The following HSD17B4 variants were observed in gnomAD, a reference collection of about 807,000 sequenced individuals.
HSD17B4 encodes peroxisomal multifunctional enzyme type 2.
HSD17B4 carries 70 observed loss-of-function variants against 101.0 expected under a neutral mutation model. That is an observed-to-expected ratio of 0.69 (90% CI 0.57 to 0.85). HSD17B4 has a LOEUF of 0.85. HSD17B4 is among the 40% of genes least tolerant of loss of function. The probability of loss-of-function intolerance (pLI) is 0.00; values close to 1 mark genes in which losing one functional copy is unlikely to be tolerated. For synonymous variants in HSD17B4, 347 were observed against 297.1 expected, an observed-to-expected ratio of 1.17 and a Z score of -1.73; for missense variants, 984 against 892.4, an observed-to-expected ratio of 1.10 and a Z score of -1.31.
intron 2 of HSD17B4, among the ~76,000 whole-genome samples, chr5:119,468,958 C>G (rs551593043): frequency 1.3e-5 from 2 of 149,034 alleles, no homozygotes; most frequent in African/African-American, 4.9e-5. Flanking sequence ...TTTCTTTTTC[C>G]TATCAGTTGG....
At chr5:119,496,292 A>G (rs547463186) in intron 11 of HSD17B4, among the ~76,000 whole-genome samples, 6 of 152,196 alleles carry the variant, frequency 3.9e-5, no homozygotes, top group Non-Finnish European at 8.8e-5. Context: ...TTAGAATCAG[A>G]TAACCAGGGA....
intron 1 of HSD17B4, 35 bp downstream of exon 1, chr5:119,452,668 C>T: frequency 6.2e-7 from 1 of 1,613,068 alleles, no homozygotes; most frequent in Admixed American, 1.7e-5. Context: ...GCGCCCCTTG[C>T]TGAGGCGCAG....
At chr5:119,510,154 G>A (rs756033807) in intron 16 of HSD17B4, among the ~76,000 whole-genome samples, 3 of 152,164 alleles carry the variant, frequency 2.0e-5, no homozygotes, top group Non-Finnish European at 2.9e-5. Flanking sequence ...TATATTCTCT[G>A]TACAACATAT....
chr5:119,529,178 C>T (rs966937392), intron 20 of HSD17B4, among the ~76,000 whole-genome samples: 3 of 151,970 alleles, frequency 2.0e-5, no homozygotes, highest in South Asian at 2.1e-4. Flanking sequence ...TTTTAATAAA[C>T]GCTATGTTAA....
intron 8 of HSD17B4, among the ~76,000 whole-genome samples, chr5:119,481,250 A>G (rs1457613710): frequency 6.6e-6 from 1 of 152,206 alleles, no homozygotes; most frequent in Non-Finnish European, 1.5e-5. Flanking sequence ...TTACAAAAGT[A>G]TTAATTTGGG....
chr5:119,489,098 T>A, intron 8 of HSD17B4, 94 bp from the exon 9 acceptor site: 1 of 867,456 alleles, frequency 1.2e-6, no homozygotes. Context: ...TTTGTTCCTA[T>A]TTTAAAGGTC....
chr5:119,508,677 A>C (rs1751886311), intron 15 of HSD17B4, among the ~76,000 whole-genome samples: 1 of 152,186 alleles, frequency 6.6e-6, no homozygotes, highest in Non-Finnish European at 1.5e-5. Context: ...GTTGATGGGA[A>C]AATAAGAGTG....
At position 119,473,912 on chromosome 5, in the gene HSD17B4, T is replaced by C. The variant is rs1748302967; in HGVS notation, c.117T>C (p.Asn39=). 1 of 1,574,266 alleles carries C rather than the reference T, an allele frequency of 6.4e-7. No individual in the cohort carries two copies. The highest frequency in any genetic ancestry group is 8.7e-7 in the Non-Finnish European group (1 of 1,143,668). The change falls in exon 3 of 24, where the codon AAT becomes AAC. Residue 39 remains asparagine, a synonymous_variant. Transcript: ENST00000510025. ...TTGCTTGTTTTTGCATTACAGTGAA[T>C]GATTTGGGAGGGGACTTCAAAGGAG... is the stretch of plus-strand genomic sequence containing the variant. The part of the protein sequence containing the change: ...FAERGALVVV[N]DLGGDFKGVG...
intron 23 of HSD17B4, among the ~76,000 whole-genome samples, chr5:119,538,369 GTCTTACTTCT>G (rs1754705856): frequency 6.6e-6 from 1 of 151,984 alleles, no homozygotes; most frequent in Non-Finnish European, 1.5e-5. Flanking sequence ...TCTCTCACCT[GTCTTACTTCT>G]TCCAGTCTTG....
chr5:119,493,991 G>A (rs955055283), intron 11 of HSD17B4, 45 bp downstream of exon 11: 3 of 1,603,932 alleles, frequency 1.9e-6, no homozygotes, highest in African/African-American at 2.7e-5. Context: ...GGAATCAGAG[G>A]CAGCAAGCAT....
At chr5:119,497,420 T>C (rs1331264063) in intron 12 of HSD17B4, among the ~76,000 whole-genome samples, 6 of 152,202 alleles carry the variant, frequency 3.9e-5, no homozygotes, top group Admixed American at 2.6e-4. Context: ...CTGTCTTCCA[T>C]ATACAGTTCT....
intron 17 of HSD17B4, 137 bp downstream of exon 17, chr5:119,515,183 G>T: frequency 1.6e-6 from 1 of 616,862 alleles, no homozygotes. Context: ...TAAACATACA[G>T]ACATGTTTCC....
intron 12 of HSD17B4, among the ~76,000 whole-genome samples, chr5:119,498,721 T>C (rs1323193809): frequency 6.6e-6 from 1 of 151,304 alleles, no homozygotes; most frequent in Non-Finnish European, 1.5e-5. Context: ...ACTGAAAATA[T>C]AAAAAAAAAT....
At chr5:119,456,220 G>T in intron 1 of HSD17B4, 95 bp from the exon 2 acceptor site, 1 of 798,836 alleles carries the variant, frequency 1.3e-6, no homozygotes. Flanking sequence ...GTAATTAATT[G>T]TTCACCAATT....
At chr5:119,524,206 A>G (rs1006600863) in intron 17 of HSD17B4, among the ~76,000 whole-genome samples, 5 of 152,094 alleles carry the variant, frequency 3.3e-5, no homozygotes, top group African/African-American at 9.7e-5. Flanking sequence ...TAATCTATAG[A>G]ACCATTATAT....
rs1210011520 is a variant in HSD17B4, at chr5:119,456,362, G to A, written c.106G>A (p.Val36Ile). 6.2e-7 allele frequency: 1 copy of A among 1,603,290 alleles called. No homozygotes were observed. Among genetic ancestry groups the A allele is most frequent in the Non-Finnish European group, 8.5e-7 (1 of 1,170,250 alleles). ...GGCTTTTGCAGAAAGAGGAGCGTTAGTTGTTGGTAAGTTGGTGTGTTTTTC... is the reference window on the plus strand; with the variant it reads ...GGCTTTTGCAGAAAGAGGAGCGTTAATTGTTGGTAAGTTGGTGTGTTTTTC... ...ALAFAERGAL[V>I]VVNDLGGDFK... is the part of the protein sequence containing the mutation. Residue 36 changes from valine to isoleucine, a missense_variant, in exon 2 of 24, where the codon GTT becomes ATT. Physicochemically the swap from Val to Ile is conservative, Grantham distance 29. Coordinates refer to ENST00000510025, the MANE Select transcript of HSD17B4 (RefSeq NM_000414.4).
At chr5:119,524,698 C>G (rs1374555735) in intron 17 of HSD17B4, among the ~76,000 whole-genome samples, 2 of 152,052 alleles carry the variant, frequency 1.3e-5, no homozygotes, top group African/African-American at 4.8e-5. Context: ...ATCATAATAG[C>G]AAGCTATCAG....
chr5:119,491,471 T>C (rs1358263042), intron 9 of HSD17B4, among the ~76,000 whole-genome samples: 2 of 151,308 alleles, frequency 1.3e-5, no homozygotes, highest in African/African-American at 4.9e-5. Flanking sequence ...CTTTTTTTTT[T>C]TTTTTTTTAG....
intron 17 of HSD17B4, among the ~76,000 whole-genome samples, chr5:119,523,319 T>G (rs1385801259): frequency 6.6e-6 from 1 of 152,172 alleles, no homozygotes; most frequent in Non-Finnish European, 1.5e-5. Flanking sequence ...ATTTTTCTTT[T>G]TCTTATTTTT....
Sources: allele counts gnomAD v4.1 joint callset (sites outside exome capture counted in the v4.1 genomes callset), GRCh38; gene constraint gnomAD v4.1.1; transcripts MANE v1.5; gene names NCBI Gene and HGNC (gene_info 2026-07-23, HGNC 2026-07-21).